The following EYS variants were observed in gnomAD, a reference collection of about 807,000 sequenced individuals.
The protein encoded by EYS is protein eyes shut homolog.
Under a neutral mutation model 282.1 loss-of-function variants are expected in EYS, and 250 were observed. That is an observed-to-expected ratio of 0.89 (90% CI 0.80 to 0.98). EYS has a LOEUF of 0.98. Among genes scored for constraint, EYS ranks in the 50% least tolerant of loss-of-function variants. The probability of loss-of-function intolerance (pLI) is 0.00; values close to 1 mark genes in which losing one functional copy is unlikely to be tolerated. For missense variants in EYS, 4,016 were observed against 3,709.0 expected (o/e 1.08, Z -2.15); for synonymous variants, 1,355 against 1,282.9 (o/e 1.06, Z -1.20).
intron 5 of EYS, among the ~76,000 whole-genome samples, chr6:65,432,612 A>G (rs1220610430): frequency 6.6e-6 from 1 of 152,182 alleles, no homozygotes; most frequent in East Asian, 1.9e-4. Flanking sequence ...GTGGGAGACC[A>G]GGTCCAAAAG....
At chr6:63,747,502 G>A (rs1156577398) in intron 41 of EYS, among the ~76,000 whole-genome samples, 6 of 152,150 alleles carry the variant, frequency 3.9e-5, no homozygotes, top group African/African-American at 1.4e-4. Context: ...GAATATCCTT[G>A]TTTATTTTCT....
intron 12 of EYS, among the ~76,000 whole-genome samples, chr6:65,081,889 T>G (rs1774239398): frequency 6.6e-6 from 1 of 152,092 alleles, no homozygotes; most frequent in African/African-American, 2.4e-5. Flanking sequence ...TGCTACAAAA[T>G]GACTATCATT....
intron 7 of EYS, 58 bp downstream of exon 7, chr6:65,402,420 C>T: frequency 8.5e-7 from 1 of 1,178,392 alleles, no homozygotes; most frequent in Non-Finnish European, 1.3e-6. Flanking sequence ...TATTTTTGTT[C>T]ACATGATTTA....
At chr6:64,890,318 A>G (rs1455544735) in intron 18 of EYS, among the ~76,000 whole-genome samples, 12 of 152,110 alleles carry the variant, frequency 7.9e-5, no homozygotes, top group Admixed American at 7.9e-4. Context: ...TACCTTGTAA[A>G]GTACTTGATG....
At chr6:64,666,335 T>C (rs1769227693) in intron 22 of EYS, among the ~76,000 whole-genome samples, 1 of 152,218 alleles carries the variant, frequency 6.6e-6, no homozygotes. Flanking sequence ...ATCTTTCACC[T>C]CTAATGTTTA....
intron 14 of EYS, among the ~76,000 whole-genome samples, chr6:64,950,224 C>T (rs1769438090): frequency 6.6e-6 from 1 of 151,746 alleles, no homozygotes; most frequent in African/African-American, 2.4e-5. Context: ...TCACACTAAA[C>T]CAGTAGACAT....
In EYS at chr6:64,912,572, G is replaced by A. The variant is rs771641817; in HGVS notation, c.2553C>T (p.Asn851=). Residue 851 remains asparagine, a synonymous_variant, in exon 16 of 43, where the codon AAC becomes AAT. Coordinates refer to ENST00000503581, the MANE Select transcript of EYS (RefSeq NM_001142800.2). ...AAGGGTTATGAAGTAGGTCACAAAG[G>A]TTATAGCGTTGGTGGCAAAATTGTC... is the stretch of plus-strand genomic sequence containing the variant. The part of the protein sequence containing the change: ...YTGQFCHQRY[N]LCDLLHNPCR... The A allele has an allele frequency of 7.1e-5, 110 of 1,551,240 alleles. No individual in the cohort carries two copies. In the African/African-American group the frequency reaches 1.3e-3, roughly 18 times the overall value.
chr6:64,453,946 A>G (rs1307330713), intron 26 of EYS, among the ~76,000 whole-genome samples: 1 of 152,160 alleles, frequency 6.6e-6, no homozygotes, highest in Non-Finnish European at 1.5e-5. Flanking sequence ...AACTTGGCAC[A>G]TATATACATA....
At chr6:64,542,907 AT>A (rs2149800069) in intron 26 of EYS, among the ~76,000 whole-genome samples, 2 of 152,148 alleles carry the variant, frequency 1.3e-5, no homozygotes, top group South Asian at 4.1e-4. Flanking sequence ...CTTATTTTTA[AT>A]TTTACCAAGA....
chr6:63,909,080 T>C (rs141810005), intron 35 of EYS, among the ~76,000 whole-genome samples: 2 of 152,234 alleles, frequency 1.3e-5, no homozygotes, highest in African/African-American at 4.8e-5. Flanking sequence ...AAAAGGCCCA[T>C]AGAGCCAGGT....
intron 29 of EYS, among the ~76,000 whole-genome samples, chr6:64,367,474 C>T (rs1486806388): frequency 2.0e-5 from 3 of 151,982 alleles, no homozygotes; most frequent in Non-Finnish European, 4.4e-5. Context: ...TATTCAGTTA[C>T]AACTTAATTC....
chr6:65,270,887 A>G (rs1027046975), intron 12 of EYS, among the ~76,000 whole-genome samples: 9 of 151,656 alleles, frequency 5.9e-5, no homozygotes, highest in African/African-American at 2.2e-4. Flanking sequence ...TGATTTATGT[A>G]TTATTTAAGA....
intron 35 of EYS, among the ~76,000 whole-genome samples, chr6:63,947,588 A>G (rs1392497984): frequency 6.6e-6 from 1 of 152,102 alleles, no homozygotes; most frequent in Admixed American, 6.6e-5. Flanking sequence ...CCGCCCCAAC[A>G]GTTTCTGAGA....
chr6:64,966,445 G>A (rs1770098581), intron 14 of EYS, among the ~76,000 whole-genome samples: 1 of 152,104 alleles, frequency 6.6e-6, no homozygotes, highest in South Asian at 2.1e-4. Context: ...CCATGGCTTA[G>A]AATTAATAAC....
chr6:64,397,351 G>T (rs1191416890), intron 28 of EYS, among the ~76,000 whole-genome samples: 1 of 152,020 alleles, frequency 6.6e-6, no homozygotes, highest in Non-Finnish European at 1.5e-5. Context: ...CATTCAGAAA[G>T]ATTGTGTTAC....
chr6:65,413,473 T>G (rs1767107806), intron 5 of EYS, among the ~76,000 whole-genome samples: 1 of 152,082 alleles, frequency 6.6e-6, no homozygotes, highest in Non-Finnish European at 1.5e-5. Flanking sequence ...AGAAGAGTAC[T>G]TAAGAGAGGG....
At chr6:63,920,157 C>CT (rs56324680) in intron 35 of EYS, among the ~76,000 whole-genome samples, 44,667 of 148,468 alleles carry the variant, frequency 0.3, 6,855 homozygotes, top group East Asian at 0.46. Flanking sequence ...ATTCCAAAGC[C>CT]TTTTTTTTTT....
intron 22 of EYS, among the ~76,000 whole-genome samples, chr6:64,754,721 T>C (rs1266167751): frequency 6.6e-6 from 1 of 152,060 alleles, no homozygotes; most frequent in Non-Finnish European, 1.5e-5. Flanking sequence ...AAACATTTGA[T>C]AAAAAGCATC....
chr6:64,221,465 A>G (rs1313671353), intron 31 of EYS, among the ~76,000 whole-genome samples: 2 of 152,086 alleles, frequency 1.3e-5, no homozygotes, highest in East Asian at 3.9e-4. Context: ...GACCTCCTCA[A>G]TCTTGGACTT....
Sources: gnomAD v4.1 joint callset for allele counts (sites outside exome capture counted in the v4.1 genomes callset) on GRCh38, gnomAD v4.1.1 for gene constraint, MANE v1.5 for transcripts, NCBI Gene and HGNC (gene_info 2026-07-23, HGNC 2026-07-21) for gene names.